The following GPC5 variants were observed in gnomAD, a reference collection of about 807,000 sequenced individuals.
GPC5 encodes glypican-5.
In GPC5, 47 loss-of-function variants were observed where a neutral mutation model predicts 53.9. The observed-to-expected ratio is 0.87, with a 90% confidence interval of 0.69 to 1.11. GPC5 has a LOEUF of 1.11. Among genes scored for constraint, GPC5 ranks in the 50% most tolerant of loss-of-function variants. The probability of loss-of-function intolerance (pLI) is 0.00; values close to 1 mark genes in which losing one functional copy is unlikely to be tolerated. For synonymous variants in GPC5, 286 were observed against 263.3 expected, an observed-to-expected ratio of 1.09 and a Z score of -0.84; for missense variants, 748 against 713.1, an observed-to-expected ratio of 1.05 and a Z score of -0.56.
intron 2 of GPC5, among the ~76,000 whole-genome samples, chr13:91,500,108 A>T (rs766457986): frequency 1.3e-5 from 2 of 152,196 alleles, no homozygotes; most frequent in African/African-American, 2.4e-5. Context: ...GTCCTGTATC[A>T]AATAGACTTC....
intron 7 of GPC5, among the ~76,000 whole-genome samples, chr13:92,369,807 G>A (rs552989579): frequency 6.6e-6 from 1 of 152,208 alleles, no homozygotes; most frequent in South Asian, 2.1e-4. Context: ...TTTTTATAGT[G>A]TATTTTTTCA....
intron 7 of GPC5, among the ~76,000 whole-genome samples, chr13:92,746,857 T>C (rs748432424): frequency 4.6e-5 from 7 of 152,152 alleles, no homozygotes; most frequent in Non-Finnish European, 7.4e-5. Flanking sequence ...TTCTGACAAA[T>C]GCATCATTAG....
intron 7 of GPC5, among the ~76,000 whole-genome samples, chr13:92,487,647 C>T (rs1210571292): frequency 6.6e-6 from 1 of 151,968 alleles, no homozygotes; most frequent in African/African-American, 2.4e-5. Flanking sequence ...AAGTGCTGCA[C>T]GTGACCCCAA....
intron 6 of GPC5, among the ~76,000 whole-genome samples, chr13:92,075,222 A>G (rs2138871399): frequency 1.3e-5 from 2 of 152,288 alleles, no homozygotes; most frequent in East Asian, 3.9e-4. Context: ...TATGTGACGA[A>G]AAAATGTTCT....
chr13:92,784,487 T>A (rs2138765948), intron 7 of GPC5, among the ~76,000 whole-genome samples: 1 of 152,274 alleles, frequency 6.6e-6, no homozygotes, highest in South Asian at 2.1e-4. Context: ...CTTTTTTTTT[T>A]TACAGATGTA....
At chr13:91,708,222 T>C (rs898756710) in intron 3 of GPC5, among the ~76,000 whole-genome samples, 3 of 152,132 alleles carry the variant, frequency 2.0e-5, no homozygotes, top group Admixed American at 6.5e-5. Flanking sequence ...AAGTTCTAGA[T>C]AGAGATTCCT....
intron 5 of GPC5, among the ~76,000 whole-genome samples, chr13:91,868,037 GGT>G (rs1332092442): frequency 6.6e-6 from 1 of 152,086 alleles, no homozygotes; most frequent in Non-Finnish European, 1.5e-5. Flanking sequence ...ACAGGAAAAT[GGT>G]GTGTTTAAAC....
At chr13:91,622,344 TG>T (rs1182235174) in intron 2 of GPC5, among the ~76,000 whole-genome samples, 1 of 152,172 alleles carries the variant, frequency 6.6e-6, no homozygotes, top group Non-Finnish European at 1.5e-5. Flanking sequence ...AATGAGCAAC[TG>T]CATGTGTAAG....
At chr13:92,828,041 A>G (rs973525332) in intron 7 of GPC5, among the ~76,000 whole-genome samples, 1 of 152,168 alleles carries the variant, frequency 6.6e-6, no homozygotes, top group Non-Finnish European at 1.5e-5. Flanking sequence ...GGCAAAGCAT[A>G]GAGAAAGAAA....
At chr13:91,775,727 T>C (rs465219) in intron 5 of GPC5, among the ~76,000 whole-genome samples, 128,811 of 152,140 alleles carry the variant, frequency 0.85, 54,737 homozygotes, top group East Asian at 0.98. Flanking sequence ...TTGATGTATG[T>C]CCCGTGATAG....
At chr13:92,752,475 G>T (rs890572637) in intron 7 of GPC5, among the ~76,000 whole-genome samples, 7 of 152,114 alleles carry the variant, frequency 4.6e-5, no homozygotes, top group African/African-American at 9.7e-5. Flanking sequence ...TTTTCTGGAT[G>T]GGGGGAGGAG....
chr13:92,594,752 G>C (rs1386230923), intron 7 of GPC5, among the ~76,000 whole-genome samples: 1 of 152,020 alleles, frequency 6.6e-6, no homozygotes, highest in Non-Finnish European at 1.5e-5. Flanking sequence ...AATATCACTT[G>C]AAATGAAACG....
At chr13:92,364,646 C>T (rs1449706296) in intron 7 of GPC5, among the ~76,000 whole-genome samples, 2 of 151,658 alleles carry the variant, frequency 1.3e-5, no homozygotes, top group African/African-American at 4.9e-5. Flanking sequence ...AGGAGAATGG[C>T]GTGAACCCGG....
At chr13:92,826,249 G>A (rs1343800897) in intron 7 of GPC5, among the ~76,000 whole-genome samples, 1 of 152,068 alleles carries the variant, frequency 6.6e-6, no homozygotes, top group East Asian at 1.9e-4. Context: ...GATTATTCTG[G>A]GAGGGCCTTA....
In GPC5 at chr13:92,531,766, G is replaced by A. The variant is rs115902025; in HGVS notation, c.1562-334516G>A. ...ATCTCCACTGTCAGCGATCAGGGCC[G>A]GTGCCGTCTCTCTGGTTTCCTGAGG... is the stretch of plus-strand genomic sequence containing the variant. On this transcript the variant is annotated intron_variant, in intron 7 of 7. Coordinates refer to ENST00000377067, the MANE Select transcript of GPC5 (RefSeq NM_004466.6). Among the ~76,000 whole-genome samples, 422 of 152,198 alleles carry A rather than the reference G, an allele frequency of 2.8e-3. 1 individual carries two copies. Among genetic ancestry groups the A allele is most frequent in the African/African-American group, 9.7e-3 (402 of 41,524 alleles).
intron 7 of GPC5, among the ~76,000 whole-genome samples, chr13:92,680,982 A>G (rs1385059713): frequency 6.6e-6 from 1 of 151,808 alleles, no homozygotes; most frequent in Non-Finnish European, 1.5e-5. Context: ...CTTCCTCCAA[A>G]CTGGTCAGCA....
At chr13:91,503,780 AAATAATAATAAT>A (rs74995934) in intron 2 of GPC5, among the ~76,000 whole-genome samples, 13 of 132,898 alleles carry the variant, frequency 9.8e-5, no homozygotes, top group African/African-American at 3.2e-4. Flanking sequence ...CTCTGTCTCA[AAATAATAATAAT>A]AATAATAATA....
intron 7 of GPC5, among the ~76,000 whole-genome samples, chr13:92,594,354 G>T (rs2139071616): frequency 6.6e-6 from 1 of 152,290 alleles, no homozygotes; most frequent in Admixed American, 6.5e-5. Context: ...CATGGGGATG[G>T]CAGACACAGG....
At chr13:92,602,295 G>C (rs1884104944) in intron 7 of GPC5, among the ~76,000 whole-genome samples, 3 of 138,352 alleles carry the variant, frequency 2.2e-5, no homozygotes, top group Non-Finnish European at 4.6e-5. Flanking sequence ...TGAGTACTCT[G>C]TAAAGAATAA....
Sources: allele counts gnomAD v4.1 joint callset (sites outside exome capture counted in the v4.1 genomes callset), GRCh38; gene constraint gnomAD v4.1.1; transcripts MANE v1.5; gene names NCBI Gene and HGNC (gene_info 2026-07-23, HGNC 2026-07-21).